The following GMDS variants were observed in gnomAD, a reference collection of about 807,000 sequenced individuals.
The protein encoded by GMDS is GDP-mannose 4,6 dehydratase.
In GMDS, 20 loss-of-function variants were observed where a neutral mutation model predicts 49.9. The observed-to-expected ratio is 0.40, with a 90% confidence interval of 0.28 to 0.58. The LOEUF (loss-of-function observed/expected upper bound fraction) is 0.58. Ranked by LOEUF, GMDS falls within the 20% of genes least tolerant of loss-of-function variation. The pLI is 0.42. For synonymous variants in GMDS, 177 were observed against 178.6 expected (o/e 0.99, Z 0.07); for missense variants, 362 against 481.4 (o/e 0.75, Z 2.32).
chr6:1,910,576 T>A (rs1274745584), intron 7 of GMDS, among the ~76,000 whole-genome samples: 1 of 151,964 alleles, frequency 6.6e-6, no homozygotes, highest in African/African-American at 2.4e-5. Context: ...AGAAGGAAAG[T>A]AAGATTTGGA....
intron 7 of GMDS, among the ~76,000 whole-genome samples, chr6:1,832,463 G>A (rs1001782367): frequency 6.6e-6 from 1 of 152,066 alleles, no homozygotes; most frequent in East Asian, 1.9e-4. Flanking sequence ...CTCTGTGACT[G>A]GAGTGATGGC....
At chr6:1,886,793 T>A (rs1759628040) in intron 7 of GMDS, among the ~76,000 whole-genome samples, 1 of 152,188 alleles carries the variant, frequency 6.6e-6, no homozygotes, top group Non-Finnish European at 1.5e-5. Flanking sequence ...TTCCAGCAGC[T>A]CCAGGCTTTA....
chr6:1,762,742 G>A lies in GMDS; in HGVS notation c.772-20156C>T, dbSNP rs181124223. Among the ~76,000 whole-genome samples the A allele has an allele frequency of 1.6e-4, 24 of 152,210 alleles. 1 individual carries two copies. Among genetic ancestry groups the A allele is most frequent in the African/African-American group, 4.8e-4 (20 of 41,514 alleles). ...CTTCAAAATGAAGCCCGACACATTC[G>A]CGTCCCTGTTCATTTTTTACAGAAC... On this transcript the variant is annotated intron_variant, in intron 7 of 10. Transcript: ENST00000380815.
At chr6:1,958,116 T>G (rs1421369048) in intron 6 of GMDS, among the ~76,000 whole-genome samples, 3 of 25,000 alleles carry the variant, frequency 1.2e-4, no homozygotes, top group African/African-American at 2.9e-4. Context: ...TTAAAATATG[T>G]TTTTTTTTTT....
intron 7 of GMDS, among the ~76,000 whole-genome samples, chr6:1,872,750 A>G (rs1758838580): frequency 6.6e-6 from 1 of 152,268 alleles, no homozygotes. Flanking sequence ...CAGCACTTCA[A>G]AGCCCCATTA....
intron 9 of GMDS, among the ~76,000 whole-genome samples, chr6:1,627,903 C>T (rs1009899131): frequency 1.2e-4 from 18 of 152,162 alleles, no homozygotes; most frequent in Admixed American, 9.2e-4. Flanking sequence ...GTGAACTATA[C>T]GGTTTCAATA....
At chr6:1,749,899 G>A (rs571085519) in intron 7 of GMDS, among the ~76,000 whole-genome samples, 3 of 152,160 alleles carry the variant, frequency 2.0e-5, no homozygotes, top group East Asian at 1.9e-4. Context: ...TGGCATGATC[G>A]TAGCTCACTG....
chr6:2,025,363 TG>T (rs1768527070), intron 4 of GMDS, among the ~76,000 whole-genome samples: 1 of 3,202 alleles, frequency 3.1e-4, no homozygotes, highest in South Asian at 0.013. Context: ...GTGGGGTGTG[TG>T]TGTGTGTGTG....
intron 1 of GMDS, among the ~76,000 whole-genome samples, chr6:2,182,525 A>C (rs537578663): frequency 6.6e-4 from 100 of 152,342 alleles, no homozygotes; most frequent in Non-Finnish European, 1.2e-3. Context: ...GGGACTAATC[A>C]GCTGACTTAT....
Position 2,199,283 on chromosome 6 carries a change from T to G in GMDS, c.102+46038A>C, listed in dbSNP as rs1233202868. Among the ~76,000 whole-genome samples the G allele has an allele frequency of 2.6e-5, 4 of 152,314 alleles. No homozygotes were observed. In the East Asian group the frequency reaches 7.7e-4, roughly 29 times the overall value. The stretch of plus-strand genomic sequence containing the variant: ...TAGTTTTATGGATGGCAACAAAGTA[T>G]TATACTCAAATATCTCTGTTGGACC... On this transcript the variant is annotated intron_variant, in intron 1 of 10. Transcript: ENST00000380815.
chr6:1,737,120 G>A (rs1480413283), intron 8 of GMDS, among the ~76,000 whole-genome samples: 1 of 152,130 alleles, frequency 6.6e-6, no homozygotes, highest in African/African-American at 2.4e-5. Context: ...TTTTAGAAAT[G>A]GGTTTCTTTT....
chr6:1,941,176 G>T (rs1020898518), intron 6 of GMDS, among the ~76,000 whole-genome samples: 1 of 152,120 alleles, frequency 6.6e-6, no homozygotes. Flanking sequence ...TGAGACAAGG[G>T]TGAGTCTTCA....
At chr6:1,679,483 G>T (rs9502999) in intron 9 of GMDS, 50,961 of 152,112 alleles carry the variant, frequency 0.34, 8,929 homozygotes, top group Middle Eastern at 0.47. Flanking sequence ...AGGCAAGGGG[G>T]CCCCAGCTAA....
intron 7 of GMDS, among the ~76,000 whole-genome samples, chr6:1,796,703 T>C (rs1769747607): frequency 1.3e-5 from 2 of 152,210 alleles, no homozygotes; most frequent in Admixed American, 6.5e-5. Context: ...ATAACAATCA[T>C]AAAATATTAA....
intron 7 of GMDS, among the ~76,000 whole-genome samples, chr6:1,850,490 A>G (rs1757614221): frequency 6.6e-6 from 1 of 152,214 alleles, no homozygotes; most frequent in Non-Finnish European, 1.5e-5. Flanking sequence ...GAGCCTTACA[A>G]TAACCCTGAA....
intron 1 of GMDS, among the ~76,000 whole-genome samples, chr6:2,180,868 A>G (rs998782910): frequency 6.6e-6 from 1 of 152,300 alleles, no homozygotes; most frequent in South Asian, 2.1e-4. Context: ...ACAAAAGTAC[A>G]TAAGACAGAT....
chr6:2,002,041 G>A (rs1766850236), intron 4 of GMDS, among the ~76,000 whole-genome samples: 1 of 152,132 alleles, frequency 6.6e-6, no homozygotes, highest in Non-Finnish European at 1.5e-5. Flanking sequence ...TGGTTTCCAA[G>A]TAGAAGTGCA....
intron 9 of GMDS, among the ~76,000 whole-genome samples, chr6:1,685,016 C>CG (rs1301456016): frequency 3.9e-4 from 44 of 112,124 alleles, no homozygotes; most frequent in African/African-American, 5.0e-4. Flanking sequence ...TCTCTCCCCC[C>CG]CCTTTTTTTT....
intron 1 of GMDS, among the ~76,000 whole-genome samples, chr6:2,209,516 C>T (rs1290082327): frequency 6.6e-6 from 1 of 151,538 alleles, no homozygotes; most frequent in Non-Finnish European, 1.5e-5. Context: ...TTTCAAGTGC[C>T]AAGTCAAACC....
Sources: allele counts gnomAD v4.1 joint callset (sites outside exome capture counted in the v4.1 genomes callset), GRCh38; gene constraint gnomAD v4.1.1; transcripts MANE v1.5; gene names NCBI Gene and HGNC (gene_info 2026-07-23, HGNC 2026-07-21).